The following BAIAP3 variants were observed in gnomAD, a reference collection of about 807,000 sequenced individuals.
The protein encoded by BAIAP3 is BAI1-associated protein 3.
BAIAP3 carries 180 observed loss-of-function variants against 149.7 expected under a neutral mutation model. That is an observed-to-expected ratio of 1.20 (90% confidence interval 1.07 to 1.36). The LOEUF is 1.36. Among genes scored for constraint, BAIAP3 ranks in the 40% most tolerant of loss-of-function variants. The pLI is 0.00. For missense variants in BAIAP3, 1,767 were observed against 1,563.4 expected (o/e 1.13, Z -2.20); for synonymous variants, 845 against 670.7 (o/e 1.26, Z -4.02).
intron 1 of BAIAP3, 87 bp from the exon 2 acceptor site, chr16:1,338,453 G>GGGGGGGGGGGGGCC: frequency 1.7e-5 from 3 of 177,274 alleles, no homozygotes; most frequent in Admixed American, 7.0e-5. Flanking sequence ...ACCTCTTCCC[G>GGGGGGGGGGGGGCC]CCCCACCCCC....
Position 1,344,047 on chromosome 16 carries a change from C to G in BAIAP3, c.1412C>G (p.Ser471Cys). ...GAGGAGAGCCTGGCTGATAGCCTTT[C>G]CGCCTTCTCTGAGTTCGGGCTGCAG... ...EQEESLADSL[S>C]AFSEFGLQLL... is the part of the protein sequence containing the mutation. Residue 471 changes from serine (S) to cysteine (C), a missense_variant, in exon 16 of 34, where the codon TCC becomes TGC. Coordinates refer to ENST00000426824, the MANE Select transcript of BAIAP3 (RefSeq NM_001199097.2). The G allele has an allele frequency of 6.2e-7, 1 of 1,612,550 alleles. No homozygotes were observed. The highest frequency in any genetic ancestry group is 1.1e-5 in the South Asian group (1 of 91,088).
Position 1,347,858 on chromosome 16 carries a change from A to G in BAIAP3, c.3026-36A>G, listed in dbSNP as rs2034487039. 2.1e-6 allele frequency: 3 copies of G among 1,447,996 alleles called. No homozygotes were observed. In the African/African-American group the frequency reaches 4.3e-5, roughly 21 times the overall value. 89.7% of individuals were successfully genotyped at this position (1,447,996 alleles called of 1,614,324 possible). A position where few individuals can be genotyped will look rare whatever the true frequency, so the allele number is the denominator to read the frequency against. Reference sequence around the variant, plus strand: ...CGGGGACGGGTCGGGTGGTGGTGGGATGGGGGCAGGGGGGCTCACGACTGT... The same window carrying G: ...CGGGGACGGGTCGGGTGGTGGTGGGGTGGGGGCAGGGGGGCTCACGACTGT... On this transcript the variant is annotated intron_variant, in intron 31 of 33. Coordinates refer to ENST00000426824, the MANE Select transcript of BAIAP3 (RefSeq NM_001199097.2).
chr16:1,347,451 G>C (rs963702718), intron 29 of BAIAP3, 82 bp downstream of exon 29: 71 of 1,588,976 alleles, frequency 4.5e-5, no homozygotes, highest in Middle Eastern at 2.1e-4. Flanking sequence ...CTGTGTCCTT[G>C]AGCATGAGGT....
At chr16:1,334,619 C>T in intron 1 of BAIAP3, 1 of 1,528,706 alleles carries the variant, frequency 6.5e-7, no homozygotes, top group Non-Finnish European at 8.9e-7. Flanking sequence ...CCAAGGCCAC[C>T]GGCAGCGCTT....
rs768403043 is a variant in BAIAP3 at position 1,339,000 on chromosome 16, C to T, written c.219+11C>T. On this transcript the variant is annotated intron_variant, in intron 3 of 33. Coordinates refer to ENST00000426824, the MANE Select transcript of BAIAP3 (RefSeq NM_001199097.2). ...TTGCCGTGCCTCGAGGTAAGGGTGC[C>T]ACCCCCAGGGCCCGATACCACAGCC... The T allele has an allele frequency of 3.7e-6, 6 of 1,612,492 alleles. No individual in the cohort carries two copies. The Admixed American group carries it at 8.3e-5, about 22-fold the overall frequency.
At chr16:1,338,474 G>T in intron 1 of BAIAP3, 66 bp from the exon 2 acceptor site, 1 of 133,184 alleles carries the variant, frequency 7.5e-6, no homozygotes. Flanking sequence ...CCACCCCCCC[G>T]CCTGCTGTGG....
Position 1,347,922 on chromosome 16 carries a change from G to T in BAIAP3, c.3054G>T (p.Glu1018Asp), listed in dbSNP as rs1320635620. The T allele has an allele frequency of 6.2e-7, 1 of 1,612,084 alleles. No individual in the cohort carries two copies. Among genetic ancestry groups the T allele is most frequent in the African/African-American group, 1.3e-5 (1 of 75,028 alleles). Residue 1018 changes from glutamate to aspartate, a missense_variant, in exon 32 of 34, where the codon GAG becomes GAT. Transcript: ENST00000426824. ...NGLSDPFVIV[E>D]LGPPHLFPLV... ...TAAGTGACCCCTTTGTGATCGTGGA[G>T]CTGGGCCCACCGCATCTCTTTCCAC...
intron 14 of BAIAP3, 32 bp downstream of exon 14, chr16:1,343,048 A>T: frequency 7.1e-7 from 1 of 1,413,162 alleles, no homozygotes; most frequent in Non-Finnish European, 9.4e-7. Flanking sequence ...TGGGCGGGGA[A>T]TGTGGGCGGG....
rs375395842 is a variant in BAIAP3, at chr16:1,342,165, C to T, written c.855-16C>T. The T allele has an allele frequency of 7.5e-6, 12 of 1,590,162 alleles. No individual in the cohort carries two copies. The highest frequency in any genetic ancestry group is 1.0e-5 in the Non-Finnish European group (12 of 1,164,820). ...CAGGAGCCATCAGCGTGATGCTCAC[C>T]ACCTGTGGTGGCCAGGTACTTCAAA... On this transcript the variant is annotated splice_polypyrimidine_tract_variant and intron_variant, in intron 10 of 33. Coordinates refer to ENST00000426824, the MANE Select transcript of BAIAP3 (RefSeq NM_001199097.2).
At chr16:1,334,647 C>T (rs373106967) in intron 1 of BAIAP3, 9 of 1,544,900 alleles carry the variant, frequency 5.8e-6, no homozygotes, top group East Asian at 4.9e-5. Flanking sequence ...TGCAGATTCC[C>T]GGGGTTCGAC....
intron 15 of BAIAP3, 24 bp downstream of exon 15, chr16:1,343,537 G>C (rs377742442): frequency 6.2e-7 from 1 of 1,602,934 alleles, no homozygotes; most frequent in Non-Finnish European, 8.5e-7. Flanking sequence ...GGACCTTCTT[G>C]CCAGCCATGG....
Position 1,348,001 on chromosome 16 carries a change from G to T in BAIAP3, c.3133G>T (p.Asp1045Tyr). Reference protein sequence around the residue: ...VKTRTLHPVYDELFYFSVPAE... With the variant: ...VKTRTLHPVYYELFYFSVPAE... Reference sequence around the variant, plus strand: ...GACCCGGACGCTGCACCCTGTATACGACGAACTCTTCTACTTGTGAGTGTC... The same window carrying T: ...GACCCGGACGCTGCACCCTGTATACTACGAACTCTTCTACTTGTGAGTGTC... The change falls in exon 32 of 34, where the codon GAC (aspartate) becomes TAC (tyrosine). Residue 1045 changes from aspartate to tyrosine, a missense_variant. By Grantham distance (160) the Asp-to-Tyr change is radical. Coordinates refer to ENST00000426824, the MANE Select transcript of BAIAP3 (RefSeq NM_001199097.2). 6.2e-7 allele frequency: 1 copy of T among 1,609,740 alleles called. No individual in the cohort carries two copies. Among genetic ancestry groups the T allele is most frequent in the South Asian group, 1.1e-5 (1 of 91,084 alleles).
At position 1,346,223 on chromosome 16, in the gene BAIAP3, C is replaced by T; in HGVS notation, c.2355C>T (p.Ala785=). 6.2e-7 allele frequency: 1 copy of T among 1,612,270 alleles called. No individual in the cohort carries two copies. Among genetic ancestry groups the T allele is most frequent in the Admixed American group, 1.7e-5 (1 of 59,978 alleles). The stretch of plus-strand genomic sequence containing the variant: ...TCGTGCGCAAGGCTGCTGGGCAGGC[C>T]TTGAAGGGCCTGGCATGGCCAGAGG... ...VELVRKAAGQ[A]LKGLAWPEGA... is the part of the protein sequence containing the mutation. The change falls in exon 25 of 34, where the codon GCC becomes GCT. Residue 785 remains alanine (A), a synonymous_variant. Transcript: ENST00000426824.
Position 1,339,610 on chromosome 16 carries a change from C to T in BAIAP3, c.408+7C>T. 1.2e-6 allele frequency: 2 copies of T among 1,605,616 alleles called. No individual in the cohort carries two copies. The highest frequency in any genetic ancestry group is 1.3e-5 in the African/African-American group (1 of 74,936). ...GCTCAGCTATCTCCAGCAGGTCAGC[C>T]CACCCTGACCCCGACCCAGACCCTG... is the stretch of plus-strand genomic sequence containing the variant. On this transcript the variant is annotated splice_region_variant and intron_variant, in intron 5 of 33. Transcript: ENST00000426824.
chr16:1,341,421 C>G lies in BAIAP3; in HGVS notation c.663C>G (p.Ala221=), dbSNP rs977805172. 1.9e-6 allele frequency: 3 copies of G among 1,612,698 alleles called. No individual in the cohort carries two copies. Among genetic ancestry groups the G allele is most frequent in the Non-Finnish European group, 2.5e-6 (3 of 1,179,908 alleles). ...KGSKRGGPLP[A]KCIQVTEVKS... is the part of the protein sequence containing the mutation. ...GCAAGCGCGGTGGACCCCTGCCTGCCAAGTGCATCCAGGTCACCGAGGTGA... is the reference window on the plus strand; with the variant it reads ...GCAAGCGCGGTGGACCCCTGCCTGCGAAGTGCATCCAGGTCACCGAGGTGA... Residue 221 remains alanine (A), a synonymous_variant, in exon 8 of 34, where the codon GCC becomes GCG. Coordinates refer to ENST00000426824, the MANE Select transcript of BAIAP3 (RefSeq NM_001199097.2).
At position 1,344,599 on chromosome 16, in the gene BAIAP3, A is replaced by G; in HGVS notation, c.1660-2A>G. ...GTGGGTACGAGCTAGGCTTCCTTGC[A>G]GCCAGGACCACAGCGCCTGCCTGGG... On this transcript the variant is annotated splice_acceptor_variant, in intron 18 of 33. Transcript: ENST00000426824. LOFTEE classifies it high-confidence loss of function. 1 of 1,612,908 alleles carries G rather than the reference A, an allele frequency of 6.2e-7. No individual in the cohort carries two copies. Among genetic ancestry groups the G allele is most frequent in the Non-Finnish European group, 8.5e-7 (1 of 1,180,006 alleles).
Position 1,347,378 on chromosome 16 carries a change from G to A in BAIAP3, c.2823+9G>A. On this transcript the variant is annotated intron_variant, in intron 29 of 33. Transcript: ENST00000426824. ...GGGATGGAAGCTACAAGGTGAGGTG[G>A]GACCCTCTGTGGGGCGGGGGTGTGG... 1 of 1,613,148 alleles carries A rather than the reference G, an allele frequency of 6.2e-7. No homozygotes were observed. Among genetic ancestry groups the A allele is most frequent in the Non-Finnish European group, 8.5e-7 (1 of 1,179,814 alleles).
rs778541866 is a variant in BAIAP3 at position 1,344,284 on chromosome 16, G to A, written c.1569G>A (p.Ser523=). 1.1e-5 allele frequency: 17 copies of A among 1,613,750 alleles called. No homozygotes were observed. Among genetic ancestry groups the A allele is most frequent in the African/African-American group, 2.7e-5 (2 of 74,916 alleles). Residue 523 remains serine, a synonymous_variant, in exon 17 of 34, where the codon TCG becomes TCA. Coordinates refer to ENST00000426824, the MANE Select transcript of BAIAP3 (RefSeq NM_001199097.2). ...QPSFEICPFE[S]ELNMDIAAAL... ...CCTTTGAGATCTGCCCCTTCGAGTC[G>A]GAGCTGAACATGGACATTGCTGCGG...
chr16:1,334,785 A>G, intron 1 of BAIAP3: 1 of 1,536,294 alleles, frequency 6.5e-7, no homozygotes, highest in Non-Finnish European at 8.8e-7. Context: ...TCCTGCGGGA[A>G]ACCCCCAGGG....
Sources: allele counts gnomAD v4.1 joint callset, GRCh38; gene constraint gnomAD v4.1.1; transcripts MANE v1.5; gene names NCBI Gene and HGNC (gene_info 2026-07-23, HGNC 2026-07-21).